Variants in NOX4 observed in about 807,000 individuals in gnomAD.
NOX4 encodes kidney oxidase-1.
NOX4 carries 69 observed loss-of-function variants against 87.6 expected under a neutral mutation model. The observed-to-expected ratio is 0.79, with a 90% CI of 0.65 to 0.96. NOX4 has a LOEUF of 0.96. Ranked by LOEUF, NOX4 falls within the 40% of genes least tolerant of loss-of-function variation. The pLI, the probability that NOX4 is intolerant of heterozygous loss-of-function variation, is 0.00. For synonymous variants in NOX4, 275 were observed against 238.2 expected (o/e 1.15, Z -1.42); for missense variants, 680 against 681.5 (o/e 1.00, Z 0.02).
chr11:89,542,264 T>G, the NOX4 span, among the ~76,000 whole-genome samples: 1 of 152,272 alleles, frequency 6.6e-6, no homozygotes. Flanking sequence ...CTAAGAATGA[T>G]TCAAAATAAT....
At chr11:89,331,564 T>C (rs1392286857) in intron 17 of NOX4, among the ~76,000 whole-genome samples, 2 of 151,870 alleles carry the variant, frequency 1.3e-5, no homozygotes, top group Non-Finnish European at 2.9e-5. Context: ...AATTGAGTCA[T>C]TTTATTTCTT....
chr11:89,581,668 T>A, the NOX4 span, among the ~76,000 whole-genome samples: 1 of 152,106 alleles, frequency 6.6e-6, no homozygotes, highest in Non-Finnish European at 1.5e-5. Flanking sequence ...AAGCCCCTAA[T>A]AAATATATTA....
the NOX4 span, among the ~76,000 whole-genome samples, chr11:89,540,913 T>C: frequency 1.3e-5 from 2 of 150,832 alleles, no homozygotes; most frequent in South Asian, 2.1e-4. Context: ...AGGAGTTCTA[T>C]TGTTTAACAA....
At chr11:89,417,814 A>G (rs928039304) in intron 8 of NOX4, among the ~76,000 whole-genome samples, 6 of 152,184 alleles carry the variant, frequency 3.9e-5, no homozygotes, top group African/African-American at 1.4e-4. Flanking sequence ...CTTTAAACCC[A>G]AGACAACACT....
intron 6 of NOX4, among the ~76,000 whole-genome samples, chr11:89,440,099 G>A (rs74353787): frequency 0.033 from 5,015 of 152,044 alleles, 277 homozygotes; most frequent in African/African-American, 0.11. Context: ...GAATGCGGTT[G>A]CATTGTTTTG....
the NOX4 span, among the ~76,000 whole-genome samples, chr11:89,532,434 C>A: frequency 5.5e-4 from 83 of 152,284 alleles, no homozygotes; most frequent in African/African-American, 1.9e-3. Flanking sequence ...TTTGGAATTT[C>A]TGTAGTCCCT....
chr11:89,369,388 A>T (rs560515739), intron 12 of NOX4, among the ~76,000 whole-genome samples: 13 of 152,242 alleles, frequency 8.5e-5, no homozygotes, highest in Non-Finnish European at 1.6e-4. Flanking sequence ...TCCAAAAAAA[A>T]TGATAAACTC....
At chr11:89,396,536 G>T (rs995056343) in intron 11 of NOX4, among the ~76,000 whole-genome samples, 1 of 152,020 alleles carries the variant, frequency 6.6e-6, no homozygotes, top group Non-Finnish European at 1.5e-5. Context: ...ATTGGATAAA[G>T]AGTCAAGACC....
intron 1 of NOX4, among the ~76,000 whole-genome samples, chr11:89,497,591 C>A (rs1287998795): frequency 6.6e-6 from 1 of 152,192 alleles, no homozygotes; most frequent in Admixed American, 6.5e-5. Flanking sequence ...GCTCACCGAG[C>A]ACCTTCATGC....
At chr11:89,472,437 T>C (rs760124908) in intron 2 of NOX4, among the ~76,000 whole-genome samples, 4 of 152,160 alleles carry the variant, frequency 2.6e-5, no homozygotes, top group Non-Finnish European at 4.4e-5. Flanking sequence ...TTTTTTTTCA[T>C]AAAACTAAAG....
chr11:89,513,505 A>G, the NOX4 span, among the ~76,000 whole-genome samples: 1 of 152,092 alleles, frequency 6.6e-6, no homozygotes, highest in Non-Finnish European at 1.5e-5. Flanking sequence ...GTATTTATTT[A>G]TAATATAATT....
chr11:89,513,357 C>T, the NOX4 span, among the ~76,000 whole-genome samples: 1 of 151,366 alleles, frequency 6.6e-6, no homozygotes, highest in Non-Finnish European at 1.5e-5. Flanking sequence ...GGAATTCCAA[C>T]AGAGCTTTGT....
At chr11:89,404,530 G>A (rs1942058314) in intron 8 of NOX4, among the ~76,000 whole-genome samples, 1 of 152,018 alleles carries the variant, frequency 6.6e-6, no homozygotes, top group Admixed American at 6.6e-5. Context: ...GAAAACACCA[G>A]GTCTAGCCCA....
At chr11:89,369,911 C>T (rs573972128) in intron 12 of NOX4, among the ~76,000 whole-genome samples, 1 of 150,640 alleles carries the variant, frequency 6.6e-6, no homozygotes, top group South Asian at 2.1e-4. Context: ...ATCTGACTTA[C>T]AAGGAGTTTC....
intron 11 of NOX4, among the ~76,000 whole-genome samples, chr11:89,373,780 C>G (rs1939637888): frequency 6.6e-6 from 1 of 151,996 alleles, no homozygotes; most frequent in South Asian, 2.1e-4. Flanking sequence ...CTTGCTAAAA[C>G]ATCTTCTAAG....
intron 12 of NOX4, among the ~76,000 whole-genome samples, chr11:89,362,173 G>GACACAGACACACACACACACACACACAC (rs936644259): frequency 3.3e-4 from 49 of 147,014 alleles, no homozygotes; most frequent in African/African-American, 1.2e-3. Context: ...CACAGACACA[G>GACACAGACACACACACACACACACACAC]ACACACACAC....
chr11:89,484,016 A>G (rs1188422766), intron 2 of NOX4, among the ~76,000 whole-genome samples: 2 of 152,158 alleles, frequency 1.3e-5, no homozygotes, highest in Admixed American at 6.5e-5. Flanking sequence ...AAAACTTGAA[A>G]TCATGCCTTC....
intron 2 of NOX4, among the ~76,000 whole-genome samples, chr11:89,490,177 G>A (rs1013477637): frequency 1.3e-5 from 2 of 152,162 alleles, no homozygotes; most frequent in African/African-American, 4.8e-5. Flanking sequence ...CTTAGCAGCT[G>A]GCAATAAGTA....
At position 89,490,461 on chromosome 11, in the gene NOX4, CA is replaced by C; in HGVS notation, c.149del (p.Leu50TrpfsTer3). The C allele has an allele frequency of 6.2e-7, 1 of 1,607,750 alleles. No individual in the cohort carries two copies. The highest frequency in any genetic ancestry group is 2.2e-5 in the East Asian group (1 of 44,854). ...GPEYHYLHQM[L>X]GLGLCLSRAS... ...TATCCAAGTTCACCTTACTTACCCC[CA>C]ACATCTGGTGGAGGTAGTGATACTC... On this transcript the variant is annotated frameshift_variant, in exon 2 of 18. Transcript: ENST00000263317. LOFTEE classifies it high-confidence loss of function.
Sources: allele counts gnomAD v4.1 joint callset (sites outside exome capture counted in the v4.1 genomes callset), GRCh38; gene constraint gnomAD v4.1.1; transcripts MANE v1.5; gene names NCBI Gene and HGNC (gene_info 2026-07-23, HGNC 2026-07-21).